Variants in LMF1 observed in about 807,000 individuals in gnomAD.
LMF1 encodes lipase maturation factor 1.
In LMF1, 68 loss-of-function variants were observed where a neutral mutation model predicts 60.6. The ratio of observed to expected loss-of-function variants is 1.12; its 90% CI spans 0.92 to 1.37. LMF1 has a LOEUF of 1.37. Ranked by LOEUF, LMF1 falls within the 40% of genes most tolerant of loss-of-function variation. LMF1 has a pLI of 0.00. For missense variants in LMF1, 948 were observed against 767.2 expected, an observed-to-expected ratio of 1.24 and a Z score of -2.78; for synonymous variants, 418 against 324.7, an observed-to-expected ratio of 1.29 and a Z score of -3.09.
intron 1 of LMF1, chr16:976,308 G>A (rs1358889174): frequency 2.2e-6 from 1 of 452,978 alleles, no homozygotes; most frequent in Non-Finnish European, 4.4e-6. Flanking sequence ...TGGGGTCTGG[G>A]GTTCAGTGGA....
intron 3 of LMF1, among the ~76,000 whole-genome samples, chr16:926,294 C>T (rs906298247): frequency 1.3e-5 from 2 of 151,126 alleles, no homozygotes; most frequent in East Asian, 2.0e-4. Flanking sequence ...GATCTGCATA[C>T]GTGTCTGTGT....
At position 871,178 on chromosome 16, in the gene LMF1, C is replaced by G. The variant is rs138461953; in HGVS notation, c.1061G>C (p.Arg354Pro). 2.5e-6 allele frequency: 4 copies of G among 1,602,344 alleles called. No individual in the cohort carries two copies. The East Asian group carries it at 9.0e-5, about 36-fold the overall frequency. ...LQMQRDIRGA[R>P]PEPRFGSVVR... ...CCACCTACCGAATCTGGGCTCGGGC[C>G]GGGCCCCTCGGATGTCCCTCTGCAT... is the stretch of plus-strand genomic sequence containing the variant. The change falls in exon 7 of 11, where the codon CGG becomes CCG. Residue 354 changes from arginine to proline, a missense_variant. Physicochemically the swap from Arg to Pro is moderately radical, Grantham distance 103. Transcript: ENST00000262301.
chr16:966,653 G>A (rs911098979), intron 1 of LMF1, among the ~76,000 whole-genome samples: 5 of 152,226 alleles, frequency 3.3e-5, no homozygotes, highest in Non-Finnish European at 7.3e-5. Context: ...CCAGGCGGGT[G>A]TGTCCTTGGT....
chr16:945,667 G>A (rs1462836766), intron 2 of LMF1, among the ~76,000 whole-genome samples: 2 of 152,324 alleles, frequency 1.3e-5, no homozygotes, highest in South Asian at 2.1e-4. Context: ...AGAAGGCCTC[G>A]GCAGAAAGGG....
chr16:977,659 G>A (rs919883363), intron 1 of LMF1, among the ~76,000 whole-genome samples: 3 of 151,472 alleles, frequency 2.0e-5, no homozygotes, highest in South Asian at 4.2e-4. Flanking sequence ...CCTGCCGCAG[G>A]AGGAGGGCCG....
At chr16:857,221 C>T (rs905693367) in intron 10 of LMF1, among the ~76,000 whole-genome samples, 2 of 152,274 alleles carry the variant, frequency 1.3e-5, no homozygotes, top group Admixed American at 1.3e-4. Context: ...TGCCGTAAAC[C>T]TCTGCACGGG....
chr16:895,369 C>T (rs373296997), intron 4 of LMF1, among the ~76,000 whole-genome samples: 2 of 152,206 alleles, frequency 1.3e-5, no homozygotes, highest in Admixed American at 1.3e-4. Context: ...CCCAGTAGCA[C>T]GGAGGCCAGT....
Position 879,663 on chromosome 16 carries a change from G to A in LMF1, c.804C>T (p.Leu268=), listed in dbSNP as rs982434115. 3.1e-6 allele frequency: 5 copies of A among 1,611,874 alleles called. No homozygotes were observed. Among genetic ancestry groups the A allele is most frequent in the Admixed American group, 3.3e-5 (2 of 59,722 alleles). The part of the protein sequence containing the change: ...SPWWFHRFET[L]SNHFIELLVP... ...CCAGGAGCTCGATGAAGTGGTTGCT[G>A]AGCGTCTCGAAGCGATGGAACCACC... Residue 268 remains leucine, a synonymous_variant, in exon 6 of 11, where the codon CTC becomes CTT. Coordinates refer to ENST00000262301, the MANE Select transcript of LMF1 (RefSeq NM_022773.4).
chr16:955,170 T>C lies in LMF1; in HGVS notation c.194-504A>G, dbSNP rs1257395354. Among the ~76,000 whole-genome samples the C allele has an allele frequency of 5.2e-5, 7 of 135,300 alleles. 2 individuals are homozygous for C. Among genetic ancestry groups the C allele is most frequent in the African/African-American group, 2.2e-4 (7 of 31,452 alleles). The allele number at this position is 135,300 out of a possible 152,430, so 88.8% of individuals were successfully genotyped here. A position where few individuals can be genotyped will look rare whatever the true frequency, so the allele number is the denominator to read the frequency against. ...AAATGCGTGCCTGCAGCAGACGCAG[T>C]GTGTGCATACACACACACACATCTA... On this transcript the variant is annotated intron_variant, in intron 1 of 10. Transcript: ENST00000262301.
intron 9 of LMF1, chr16:869,545 C>G (rs1056150386): frequency 1.7e-6 from 1 of 581,574 alleles, no homozygotes; most frequent in Non-Finnish European, 3.2e-6. Context: ...CCTCCTCCTG[C>G]GTAGCTGAAA....
intron 2 of LMF1, among the ~76,000 whole-genome samples, chr16:935,220 C>T (rs1472125122): frequency 2.0e-5 from 3 of 152,098 alleles, no homozygotes; most frequent in Admixed American, 6.6e-5. Flanking sequence ...CCGCCTCAGC[C>T]TCCTGAGTTG....
At chr16:855,962 G>A (rs1424737667) in intron 10 of LMF1, 1 of 455,866 alleles carries the variant, frequency 2.2e-6, no homozygotes, top group Non-Finnish European at 4.4e-6. Flanking sequence ...CTGGGTGTGT[G>A]ATGGATGATG....
At chr16:974,360 G>A (rs926360158), upstream of LMF1, among the ~76,000 whole-genome samples, 9 of 152,270 alleles carry the variant, frequency 5.9e-5, no homozygotes, top group East Asian at 7.8e-4. Context: ...ACACCAACCC[G>A]AGGCGGGAGG....
intron 2 of LMF1, among the ~76,000 whole-genome samples, chr16:945,894 G>A (rs7192150): frequency 0.48 from 72,321 of 152,002 alleles, 18,857 homozygotes; most frequent in African/African-American, 0.69. Flanking sequence ...CCAAGTCCCC[G>A]CAGGACCAGA....
At chr16:922,617 G>GGC (rs2071465244) in intron 3 of LMF1, among the ~76,000 whole-genome samples, 23 of 145,552 alleles carry the variant, frequency 1.6e-4, no homozygotes, top group Non-Finnish European at 2.6e-4. Flanking sequence ...ATGTGGTGTT[G>GGC]GTGCGTGTTG....
intron 8 of LMF1, 85 bp downstream of exon 8, chr16:870,644 A>T: frequency 6.6e-7 from 1 of 1,504,744 alleles, no homozygotes; most frequent in Non-Finnish European, 9.2e-7. Flanking sequence ...GGGGGCCTGC[A>T]CTGTAACCCC....
intron 5 of LMF1, among the ~76,000 whole-genome samples, chr16:888,039 G>A (rs922317818): frequency 3.3e-5 from 5 of 152,218 alleles, no homozygotes; most frequent in African/African-American, 9.6e-5. Context: ...GGGGGGCTCC[G>A]TGCCCGTCAC....
At chr16:926,935 G>A (rs906858277) in intron 3 of LMF1, among the ~76,000 whole-genome samples, 13 of 152,212 alleles carry the variant, frequency 8.5e-5, no homozygotes, top group Non-Finnish European at 1.6e-4. Context: ...CAAGAAGACA[G>A]CCTGGCAAGT....
At chr16:931,495 G>A (rs1041946171) in intron 3 of LMF1, 1 of 480,668 alleles carries the variant, frequency 2.1e-6, no homozygotes, top group Non-Finnish European at 3.4e-6. Flanking sequence ...CGGATGAGCT[G>A]AGGAACGCAC....
Sources: allele counts gnomAD v4.1 joint callset (sites outside exome capture counted in the v4.1 genomes callset), GRCh38; gene constraint gnomAD v4.1.1; transcripts MANE v1.5; gene names NCBI Gene and HGNC (gene_info 2026-07-23, HGNC 2026-07-21).